Variants in PUM1 observed in about 807,000 individuals in gnomAD.
The protein encoded by PUM1 is pumilio RNA binding family member 1.
Under a neutral mutation model 131.8 loss-of-function variants are expected in PUM1, and 13 were observed. The ratio of observed to expected loss-of-function variants is 0.10; its 90% CI spans 0.06 to 0.16. The LOEUF (loss-of-function observed/expected upper bound fraction) is 0.16, where lower values mean the gene tolerates loss of function less well. PUM1 is among the 10% of genes least tolerant of loss of function. The pLI, the probability that PUM1 is intolerant of heterozygous loss-of-function variation, is 1.00. For missense variants in PUM1, 961 were observed against 1,512.4 expected, an observed-to-expected ratio of 0.64 and a Z score of 6.05; for synonymous variants, 509 against 556.5, an observed-to-expected ratio of 0.91 and a Z score of 1.20.
intron 20 of PUM1, 72 bp from the exon 21 acceptor site, chr1:30,936,907 T>G: frequency 7.4e-7 from 1 of 1,355,368 alleles, no homozygotes; most frequent in Non-Finnish European, 1.0e-6. Flanking sequence ...CTTGCCTAGC[T>G]TCTGCCCTGA....
At chr1:30,967,335 A>G in intron 11 of PUM1, 25 bp from the exon 12 acceptor site, 1 of 1,604,278 alleles carries the variant, frequency 6.2e-7, no homozygotes, top group Non-Finnish European at 8.5e-7. Flanking sequence ...CCAACAAAGA[A>G]ATGTATATGT....
At chr1:31,057,744 AAAAC>A (rs1397359210) in intron 2 of PUM1, among the ~76,000 whole-genome samples, 4 of 151,548 alleles carry the variant, frequency 2.6e-5, no homozygotes, top group Non-Finnish European at 4.4e-5. Context: ...AAAAAAAAAA[AAAAC>A]AACTATGGTT....
intron 2 of PUM1, among the ~76,000 whole-genome samples, chr1:31,054,214 G>A (rs1644181909): frequency 6.6e-6 from 1 of 151,672 alleles, no homozygotes; most frequent in Non-Finnish European, 1.5e-5. Flanking sequence ...GTGGTCCCAG[G>A]ATAGGGAGGC....
chr1:30,954,252 T>C (rs1431994948), intron 14 of PUM1, among the ~76,000 whole-genome samples: 1 of 152,196 alleles, frequency 6.6e-6, no homozygotes, highest in East Asian at 1.9e-4. Flanking sequence ...GCATGGCCCC[T>C]AGTAAATGAA....
At chr1:30,969,642 T>G (rs189944857) in intron 10 of PUM1, among the ~76,000 whole-genome samples, 46 of 152,236 alleles carry the variant, frequency 3.0e-4, no homozygotes, top group African/African-American at 1.0e-3. Context: ...GATCTACTTT[T>G]TTTTTTTTGG....
At chr1:30,990,389 G>C (rs1315098055) in intron 7 of PUM1, among the ~76,000 whole-genome samples, 1 of 152,160 alleles carries the variant, frequency 6.6e-6, no homozygotes, top group Admixed American at 6.5e-5. Flanking sequence ...AGGCAGACAT[G>C]ACAGCTTTTT....
At chr1:31,065,482 T>A in intron 1 of PUM1, 134 bp downstream of exon 1, 2 of 972,816 alleles carry the variant, frequency 2.1e-6, no homozygotes, top group Non-Finnish European at 2.8e-6. Flanking sequence ...GTGAGAAGCC[T>A]CAGCCAGGGC....
chr1:31,000,703 CTT>C (rs2124500463), intron 5 of PUM1, among the ~76,000 whole-genome samples: 1 of 152,300 alleles, frequency 6.6e-6, no homozygotes, highest in South Asian at 2.1e-4. Flanking sequence ...TTCCTCCCTT[CTT>C]TCTACAAAGT....
chr1:30,943,355 C>G (rs1006529847), intron 18 of PUM1, among the ~76,000 whole-genome samples: 1 of 152,036 alleles, frequency 6.6e-6, no homozygotes, highest in Non-Finnish European at 1.5e-5. Context: ...CTCCGCCTCC[C>G]GGGCTCAAGC....
intron 6 of PUM1, 48 bp from the exon 7 acceptor site, chr1:30,992,708 G>A: frequency 2.6e-6 from 4 of 1,543,314 alleles, no homozygotes; most frequent in African/African-American, 1.4e-5. Context: ...CAGTGGGGAG[G>A]GACTACAGCA....
Position 30,981,384 on chromosome 1 carries a change from G to C in PUM1, c.1180C>G (p.Leu394Val). The C allele has an allele frequency of 6.2e-7, 1 of 1,603,720 alleles. No individual in the cohort carries two copies. The highest frequency in any genetic ancestry group is 8.5e-7 in the Non-Finnish European group (1 of 1,173,870). Residue 394 changes from leucine (L) to valine (V), a missense_variant, in exon 8 of 22, where the codon CTT (leucine) becomes GTT (valine). This residue lies in a region of PUM1 where 654 missense variants were observed against 923.9 expected (regional missense o/e 0.71). Coordinates refer to ENST00000426105, the MANE Select transcript of PUM1 (RefSeq NM_001020658.2). The stretch of plus-strand genomic sequence containing the variant: ...GCAGCTGTCAACTGCTGGACAGCAA[G>C]CGCATTAGGTCTTTGGAACAGCTGA... The part of the protein sequence containing the change: ...QQQLFQRPNA[L>V]AVQQLTAAQQ...
At chr1:31,000,481 C>G (rs572842552) in intron 5 of PUM1, among the ~76,000 whole-genome samples, 1 of 152,200 alleles carries the variant, frequency 6.6e-6, no homozygotes, top group South Asian at 2.1e-4. Context: ...GAAAAGCAGA[C>G]GTAGGTAGAA....
chr1:31,056,873 A>G (rs1644253689), intron 2 of PUM1, among the ~76,000 whole-genome samples: 1 of 151,558 alleles, frequency 6.6e-6, no homozygotes, highest in Non-Finnish European at 1.5e-5. Flanking sequence ...GCTCACTGCA[A>G]ACTCCCTGTC....
chr1:30,979,131 GAA>G (rs1641257968), intron 9 of PUM1, among the ~76,000 whole-genome samples: 1 of 137,088 alleles, frequency 7.3e-6, no homozygotes, highest in Non-Finnish European at 1.6e-5. Flanking sequence ...GAGAGAGAAA[GAA>G]AGAGAAAAAA....
Position 30,933,058 on chromosome 1 carries a change from GTGGATTTGATTCCTT to G in PUM1, c.*138_*152del. On this transcript the variant is annotated 3_prime_UTR_variant, in exon 22 of 22. Transcript: ENST00000426105. ...TAAATTTACAAAGGCTTTTCCACTC[GTGGATTTGATTCCTT>G]TTTTGGAGGAGGGAGTAATCCTGGA... 1.7e-5 allele frequency: 16 copies of G among 922,032 alleles called. No homozygotes were observed. 57.1% of individuals were successfully genotyped at this position (922,032 alleles called of 1,614,324 possible).
At chr1:30,991,243 A>C (rs1048111700) in intron 7 of PUM1, among the ~76,000 whole-genome samples, 2 of 152,228 alleles carry the variant, frequency 1.3e-5, no homozygotes, top group Non-Finnish European at 2.9e-5. Flanking sequence ...GGAGGCAGGC[A>C]TACCTACTAA....
intron 3 of PUM1, among the ~76,000 whole-genome samples, chr1:31,015,964 C>T (rs551609616): frequency 1.7e-4 from 26 of 152,156 alleles, no homozygotes; most frequent in African/African-American, 2.4e-4. Flanking sequence ...TAAGCCACTG[C>T]GCCTGGCCAC....
chr1:30,964,751 G>A lies in PUM1; in HGVS notation c.2246C>T (p.Pro749Leu), dbSNP rs1360297235. 6.2e-7 allele frequency: 1 copy of A among 1,614,114 alleles called. No individual in the cohort carries two copies. The highest frequency in any genetic ancestry group is 8.5e-7 in the Non-Finnish European group (1 of 1,180,008). ...CTGTGAATGTCCTGGTCCCTGACTA[G>A]GGAGAGGCATGCCCACGGGTCCAGG... is the stretch of plus-strand genomic sequence containing the variant. ...SSPGPVGMPL[P>L]SQGPGHSQTP... Residue 749 changes from proline to leucine, a missense_variant, in exon 14 of 22, where the codon CCT (proline) becomes CTT (leucine). By Grantham distance (98) the Pro-to-Leu change is moderately conservative (BLOSUM62 -3). This residue lies in a region of PUM1 where 117 missense variants were observed against 200.7 expected (regional missense o/e 0.58). Transcript: ENST00000426105.
intron 2 of PUM1, among the ~76,000 whole-genome samples, chr1:31,044,405 TAAAAAA>T (rs1025137331): frequency 1.3e-4 from 20 of 151,708 alleles, no homozygotes; most frequent in African/African-American, 4.6e-4. Flanking sequence ...ATCTAAAAAA[TAAAAAA>T]TAAAAATAAA....
Sources: gnomAD v4.1 joint callset for allele counts (sites outside exome capture counted in the v4.1 genomes callset) on GRCh38, gnomAD v4.1.1 for gene constraint, gnomAD v4.1.1 regional missense constraint, MANE v1.5 for transcripts, NCBI Gene and HGNC (gene_info 2026-07-23, HGNC 2026-07-21) for gene names.